The following NUP210L variants were observed in gnomAD, a reference collection of about 807,000 sequenced individuals.
NUP210L encodes nuclear pore membrane glycoprotein 210-like.
In NUP210L, 74 loss-of-function variants were observed where a neutral mutation model predicts 208.5. The ratio of observed to expected loss-of-function variants is 0.35; its 90% CI spans 0.29 to 0.43. NUP210L has a LOEUF of 0.43. Ranked by LOEUF, NUP210L falls within the 20% of genes least tolerant of loss-of-function variation. The pLI is 1.00. For missense variants in NUP210L, 1,843 were observed against 2,289.4 expected (o/e 0.81, Z 3.98); for synonymous variants, 780 against 816.9 (o/e 0.95, Z 0.77).
At chr1:154,148,408 G>A (rs930388932) in intron 2 of NUP210L, among the ~76,000 whole-genome samples, 4 of 152,100 alleles carry the variant, frequency 2.6e-5, no homozygotes, top group East Asian at 1.9e-4. Context: ...ACTTGATACC[G>A]GGAAGCAAAG....
Position 154,148,333 on chromosome 1 carries a change from CTT to C in NUP210L, c.340+4401_340+4402del, listed in dbSNP as rs531530049. Reference sequence around the variant, plus strand: ...ATGGTGACACCCCATCTTTACAAAACTTAGCTGGGCATGGTGGCGTGTGCCTG... The same window carrying C: ...ATGGTGACACCCCATCTTTACAAAACAGCTGGGCATGGTGGCGTGTGCCTG... On this transcript the variant is annotated intron_variant, in intron 2 of 39. Transcript: ENST00000368559. 7.5e-4 allele frequency among the ~76,000 whole-genome samples: 113 copies of C among 151,036 alleles called. 1 individual carries two copies. The highest frequency in any genetic ancestry group is 2.7e-3 in the African/African-American group (110 of 41,192).
At chr1:154,129,635 C>A (rs1432586207) in intron 7 of NUP210L, among the ~76,000 whole-genome samples, 1 of 152,168 alleles carries the variant, frequency 6.6e-6, no homozygotes, top group Non-Finnish European at 1.5e-5. Context: ...CTGCAGACCC[C>A]TTTCTCCAAA....
intron 16 of NUP210L, among the ~76,000 whole-genome samples, chr1:154,087,047 C>G (rs1005383747): frequency 9.9e-5 from 15 of 151,442 alleles, no homozygotes. Context: ...AGGCCAGGCA[C>G]AGTGGCTCAC....
At chr1:154,022,223 A>G (rs377232861) in exon 32 of NUP210L, 6 of 1,614,086 alleles carry the variant, frequency 3.7e-6, no homozygotes, top group Non-Finnish European at 5.1e-6. Flanking sequence ...CAACAGGAAT[A>G]TAATCTGCCA....
chr1:154,017,645 T>G (rs549000047), intron 33 of NUP210L, among the ~76,000 whole-genome samples: 12 of 151,396 alleles, frequency 7.9e-5, no homozygotes, highest in Non-Finnish European at 1.5e-4. Flanking sequence ...GCCTCCTGAG[T>G]AGCTGGGATT....
At chr1:154,051,824 A>C (rs1484784922) in intron 25 of NUP210L, among the ~76,000 whole-genome samples, 1 of 152,214 alleles carries the variant, frequency 6.6e-6, no homozygotes, top group East Asian at 1.9e-4. Flanking sequence ...CACCTTTTGC[A>C]GTGTTTCCTG....
intron 2 of NUP210L, 70 bp from the exon 3 acceptor site, chr1:154,143,647 A>C: frequency 7.6e-7 from 1 of 1,310,550 alleles, no homozygotes; most frequent in Non-Finnish European, 1.1e-6. Context: ...TCAAATACTC[A>C]AAACTGTATT....
At chr1:154,013,845 G>C (rs1055951362) in intron 33 of NUP210L, among the ~76,000 whole-genome samples, 1 of 152,086 alleles carries the variant, frequency 6.6e-6, no homozygotes. Context: ...GCTCACTGCA[G>C]CCTCTGCGTC....
At chr1:154,004,838 TTTTC>T (rs1463318015) in intron 35 of NUP210L, among the ~76,000 whole-genome samples, 62 of 145,828 alleles carry the variant, frequency 4.3e-4, no homozygotes, top group Non-Finnish European at 7.0e-4. Context: ...TTTTCTTTTC[TTTTC>T]TTTCTTTCTT....
intron 33 of NUP210L, among the ~76,000 whole-genome samples, chr1:154,016,568 T>C (rs1387831534): frequency 6.6e-6 from 1 of 151,290 alleles, no homozygotes; most frequent in African/African-American, 2.4e-5. Flanking sequence ...CAAAACAAAC[T>C]CTTAACCCCA....
intron 35 of NUP210L, among the ~76,000 whole-genome samples, chr1:154,004,838 TTTTCTTTC>T (rs1463318015): frequency 6.9e-6 from 1 of 145,704 alleles, no homozygotes; most frequent in African/African-American, 2.5e-5. Flanking sequence ...TTTTCTTTTC[TTTTCTTTC>T]TTTCTTTCTT....
At chr1:154,104,931 AG>A (rs757245223) in intron 12 of NUP210L, among the ~76,000 whole-genome samples, 9 of 152,128 alleles carry the variant, frequency 5.9e-5, no homozygotes, top group Non-Finnish European at 1.2e-4. Context: ...CCCACACCCC[AG>A]GTGCACAGCT....
At chr1:153,997,121 G>A (rs1045813596) in intron 37 of NUP210L, among the ~76,000 whole-genome samples, 3 of 151,778 alleles carry the variant, frequency 2.0e-5, no homozygotes, top group Non-Finnish European at 4.4e-5. Context: ...CCGCCACCAC[G>A]CCCAGATAAT....
At chr1:154,085,912 G>GT (rs1453101943) in intron 16 of NUP210L, among the ~76,000 whole-genome samples, 1 of 152,010 alleles carries the variant, frequency 6.6e-6, no homozygotes, top group African/African-American at 2.4e-5. Context: ...ATACCAACAT[G>GT]TAAAAAAAAT....
intron 10 of NUP210L, among the ~76,000 whole-genome samples, chr1:154,123,069 A>AAAAT (rs371321267): frequency 2.1e-5 from 3 of 142,884 alleles, no homozygotes; most frequent in African/African-American, 5.2e-5. Flanking sequence ...AAAAAAAAAA[A>AAAAT]CCACAAAAAA....
intron 28 of NUP210L, among the ~76,000 whole-genome samples, chr1:154,028,649 T>C (rs998150869): frequency 6.6e-6 from 1 of 151,982 alleles, no homozygotes. Context: ...TCAGGTGGAG[T>C]GGATCAGAAA....
chr1:154,001,675 G>T, intron 36 of NUP210L, 60 bp downstream of exon 36: 3 of 1,568,032 alleles, frequency 1.9e-6, no homozygotes, highest in Non-Finnish European at 2.6e-6. Context: ...AAGTGAGAAT[G>T]AAAACTATCT....
intron 12 of NUP210L, among the ~76,000 whole-genome samples, chr1:154,111,052 A>G (rs950902433): frequency 9.2e-5 from 13 of 141,840 alleles, no homozygotes; most frequent in Admixed American, 3.5e-4. Context: ...TAGCCAGACT[A>G]AAAAAAAAAA....
chr1:154,038,145 T>A (rs1652664255), intron 27 of NUP210L, among the ~76,000 whole-genome samples: 1 of 151,994 alleles, frequency 6.6e-6, no homozygotes, highest in South Asian at 2.1e-4. Context: ...GTTTATTTTA[T>A]CTTTTGAGAC....
Sources: gnomAD v4.1 joint callset for allele counts (sites outside exome capture counted in the v4.1 genomes callset) on GRCh38, gnomAD v4.1.1 for gene constraint, MANE v1.5 for transcripts, NCBI Gene and HGNC (gene_info 2026-07-23, HGNC 2026-07-21) for gene names.